The following CPLANE1 variants were observed in gnomAD, a reference collection of about 807,000 sequenced individuals.
CPLANE1 encodes ciliogenesis and planar polarity effector 1.
A neutral mutation model predicts 362.5 loss-of-function variants in CPLANE1; 263 were observed. That is an observed-to-expected ratio of 0.73 (90% confidence interval 0.66 to 0.80). CPLANE1 has a LOEUF of 0.80. Among genes scored for constraint, CPLANE1 ranks in the 30% least tolerant of loss-of-function variants. The pLI is 0.00. For synonymous variants in CPLANE1, 1,212 were observed against 1,302.6 expected, an observed-to-expected ratio of 0.93 and a Z score of 1.50; for missense variants, 3,461 against 3,793.4, an observed-to-expected ratio of 0.91 and a Z score of 2.30.
At chr5:37,211,629 C>A in intron 16 of CPLANE1, 5 of 833,150 alleles carry the variant, frequency 6.0e-6, no homozygotes, top group Non-Finnish European at 1.1e-5. Flanking sequence ...TCTGGAAGGT[C>A]TGGGCAGATC....
the CPLANE1 span, among the ~76,000 whole-genome samples, chr5:37,084,878 T>C: frequency 5.3e-5 from 8 of 151,420 alleles, no homozygotes; most frequent in East Asian, 1.6e-3. Context: ...ACCTAACACA[T>C]AAGGACTCAT....
intron 25 of CPLANE1, among the ~76,000 whole-genome samples, chr5:37,184,041 CA>C (rs1476709136): frequency 6.6e-6 from 1 of 152,092 alleles, no homozygotes; most frequent in Non-Finnish European, 1.5e-5. Context: ...TTTAGGAATA[CA>C]AAGTCAACAA....
At chr5:37,112,594 C>T (rs1051400447) in intron 51 of CPLANE1, among the ~76,000 whole-genome samples, 1 of 152,220 alleles carries the variant, frequency 6.6e-6, no homozygotes, top group African/African-American at 2.4e-5. Flanking sequence ...GGACGGTGGG[C>T]ACTGACACTC....
rs567527656 is a variant in CPLANE1 at position 37,215,739 on chromosome 5, CTTTTTTTTTTT to C, written c.2747-2018_2747-2008del. 3.6e-4 allele frequency among the ~76,000 whole-genome samples: 34 copies of C among 95,202 alleles called. No homozygotes were observed. The East Asian group carries it at 5.1e-3, about 14-fold the overall frequency. The allele number at this position is 95,202 out of a possible 152,430, so 62.5% of individuals were successfully genotyped here. A position where few individuals can be genotyped will look rare whatever the true frequency, so the allele number is the denominator to read the frequency against. ...TATTTCCCGTTTTTCCTTCTCTTTCCTTTTTTTTTTTTTTTTTTTTTTTTGAAGATAAACGG... is the reference window on the plus strand; with the variant it reads ...TATTTCCCGTTTTTCCTTCTCTTTCCTTTTTTTTTTTTTGAAGATAAACGG... On this transcript the variant is annotated intron_variant, in intron 15 of 52. Transcript: ENST00000651892.
At chr5:37,181,651 T>C (rs906385502) in intron 26 of CPLANE1, among the ~76,000 whole-genome samples, 4 of 152,036 alleles carry the variant, frequency 2.6e-5, no homozygotes, top group Non-Finnish European at 5.9e-5. Context: ...CCTGTCTTTA[T>C]AAAAAATTTA....
At chr5:37,154,153 T>C (rs1162506688) in intron 41 of CPLANE1, among the ~76,000 whole-genome samples, 160 bp from the exon 42 acceptor site, 2 of 152,226 alleles carry the variant, frequency 1.3e-5, no homozygotes, top group Admixed American at 6.5e-5. Context: ...AGCTTCTTGA[T>C]TTCTGGGATA....
chr5:37,127,971 T>C (rs1389012660), intron 46 of CPLANE1, among the ~76,000 whole-genome samples: 1 of 151,854 alleles, frequency 6.6e-6, no homozygotes, highest in African/African-American at 2.4e-5. Context: ...CCTGGGGAGG[T>C]TGAGGCTGCA....
chr5:37,206,593 A>C (rs1190251638), intron 16 of CPLANE1, among the ~76,000 whole-genome samples, 168 bp from the exon 17 acceptor site: 1 of 152,190 alleles, frequency 6.6e-6, no homozygotes, highest in Non-Finnish European at 1.5e-5. Flanking sequence ...CACTTTTAAC[A>C]CTGAAGAATG....
chr5:37,082,590 T>TTAA, the CPLANE1 span, among the ~76,000 whole-genome samples: 1 of 152,100 alleles, frequency 6.6e-6, no homozygotes, highest in Non-Finnish European at 1.5e-5. Flanking sequence ...GATAATCTCC[T>TTAA]TAATAAAAAA....
intron 43 of CPLANE1, among the ~76,000 whole-genome samples, chr5:37,147,971 C>CAAAAAAAAAAAAAAAAAAAAAAAAA (rs11284644): frequency 6.5e-5 from 1 of 15,312 alleles, no homozygotes; most frequent in Non-Finnish European, 1.8e-4. Context: ...ACTGCCTTCT[C>CAAAAAAAAAAAAAAAAAAAAAAAAA]AAAAAAAAAA....
Position 37,224,234 on chromosome 5 carries a change from T to A in CPLANE1, c.2581+19A>T. On this transcript the variant is annotated intron_variant, in intron 14 of 52. Coordinates refer to ENST00000651892, the MANE Select transcript of CPLANE1 (RefSeq NM_001384732.1). ...AGTCCTGCTAATATTATGGCACATATTTTTTAACACTCTCTTACCTTTCTC... is the reference window on the plus strand; with the variant it reads ...AGTCCTGCTAATATTATGGCACATAATTTTTAACACTCTCTTACCTTTCTC... 6.6e-7 allele frequency: 1 copy of A among 1,515,382 alleles called. No individual in the cohort carries two copies. Among genetic ancestry groups the A allele is most frequent in the Non-Finnish European group, 8.9e-7 (1 of 1,119,404 alleles). 93.9% of individuals were successfully genotyped at this position (1,515,382 alleles called of 1,614,324 possible). A position where few individuals can be genotyped will look rare whatever the true frequency, so the allele number is the denominator to read the frequency against.
intron 36 of CPLANE1, among the ~76,000 whole-genome samples, chr5:37,165,097 C>T (rs982974509): frequency 6.6e-6 from 1 of 151,834 alleles, no homozygotes; most frequent in African/African-American, 2.4e-5. Flanking sequence ...CAGAGCAAGG[C>T]CCTATCTCTA....
intron 43 of CPLANE1, among the ~76,000 whole-genome samples, chr5:37,142,933 G>C (rs1286686776): frequency 6.6e-6 from 1 of 152,162 alleles, no homozygotes; most frequent in Non-Finnish European, 1.5e-5. Context: ...GTATCTTAGA[G>C]CACTGAAGGA....
intron 1 of CPLANE1, 142 bp from the exon 2 acceptor site, chr5:37,247,887 TC>T: frequency 4.1e-6 from 2 of 485,442 alleles, no homozygotes; most frequent in Non-Finnish European, 6.8e-6. Context: ...AACCTCCGCC[TC>T]CCGGATTCAA....
chr5:37,192,861 A>AC (rs1406767258), intron 21 of CPLANE1, among the ~76,000 whole-genome samples: 2 of 144,388 alleles, frequency 1.4e-5, no homozygotes, highest in Admixed American at 1.4e-4. Flanking sequence ...ATCAAAAAAA[A>AC]AAAAAAAAAA....
In CPLANE1 at chr5:37,141,339, A is replaced by G. The variant is rs371473708; in HGVS notation, c.8632+971T>C. On this transcript the variant is annotated intron_variant, in intron 44 of 52. Transcript: ENST00000651892. ...GAGTCCTGTTTAACCTCATTTGTCA[A>G]TCCTCCCCAGAGAAGAGAAGAGAAA... The G allele has an allele frequency of 1.6e-5, 16 of 985,426 alleles. No homozygotes were observed. In the African/African-American group the frequency reaches 2.8e-4, roughly 17 times the overall value. 61.0% of individuals were successfully genotyped at this position (985,426 alleles called of 1,614,324 possible).
At chr5:37,165,362 A>G (rs912956654) in intron 36 of CPLANE1, among the ~76,000 whole-genome samples, 177 bp downstream of exon 36, 1 of 152,148 alleles carries the variant, frequency 6.6e-6, no homozygotes, top group African/African-American at 2.4e-5. Context: ...TCACATTCAG[A>G]ACTCTATGTC....
At chr5:37,190,413 G>GAAAAA (rs11435905) in intron 21 of CPLANE1, among the ~76,000 whole-genome samples, 1 of 136,670 alleles carries the variant, frequency 7.3e-6, no homozygotes, top group African/African-American at 2.7e-5. Flanking sequence ...ATGAAAAAAT[G>GAAAAA]AAAAAAAAAA....
chr5:37,211,934 A>G (rs1792728097), intron 16 of CPLANE1: 2 of 805,164 alleles, frequency 2.5e-6, no homozygotes, highest in East Asian at 4.8e-5. Flanking sequence ...GCGCAGCTGT[A>G]GCTGCTGTGC....
Sources: gnomAD v4.1 joint callset for allele counts (sites outside exome capture counted in the v4.1 genomes callset) on GRCh38, gnomAD v4.1.1 for gene constraint, MANE v1.5 for transcripts, NCBI Gene and HGNC (gene_info 2026-07-23, HGNC 2026-07-21) for gene names.